The following PTCHD4 variants were observed in gnomAD, a reference collection of about 807,000 sequenced individuals.
The protein encoded by PTCHD4 is patched domain-containing protein 4.
Under a neutral mutation model 58.1 loss-of-function variants are expected in PTCHD4, and 33 were observed. That is an observed-to-expected ratio of 0.57 (90% CI 0.43 to 0.76). The LOEUF is 0.76. PTCHD4 is among the 30% of genes least tolerant of loss of function. The pLI, the probability that PTCHD4 is intolerant of heterozygous loss-of-function variation, is 0.00. For missense variants in PTCHD4, 1,058 were observed against 1,027.1 expected, an observed-to-expected ratio of 1.03 and a Z score of -0.41; for synonymous variants, 478 against 409.6, an observed-to-expected ratio of 1.17 and a Z score of -2.02.
intron 3 of PTCHD4, among the ~76,000 whole-genome samples, chr6:48,014,123 C>T (rs973723238): frequency 1.7e-4 from 26 of 152,180 alleles, no homozygotes; most frequent in African/African-American, 6.0e-4. Context: ...ATTTCTTACT[C>T]ATATTTTTCT....
At position 47,920,877 on chromosome 6, in the gene PTCHD4, A is replaced by G. The variant is rs139773580; in HGVS notation, c.899-40941T>C. The stretch of plus-strand genomic sequence containing the variant: ...AGATAAGGAAATTGGGGACCTATTG[A>G]GAACAGCTAAATAGATTCTGCCTAT... On this transcript the variant is annotated intron_variant, in intron 4 of 4. Coordinates refer to ENST00000339488, the MANE Select transcript of PTCHD4 (RefSeq NM_001384253.1). 2.3e-3 allele frequency among the ~76,000 whole-genome samples: 348 copies of G among 152,310 alleles called. 3 individuals are homozygous for G. Among genetic ancestry groups the G allele is most frequent in the Non-Finnish European group, 3.5e-3 (237 of 68,016 alleles).
At chr6:47,987,443 T>A (rs1171159409) in intron 4 of PTCHD4, among the ~76,000 whole-genome samples, 1 of 150,760 alleles carries the variant, frequency 6.6e-6, no homozygotes, top group Non-Finnish European at 1.5e-5. Context: ...CAAGACTAAG[T>A]ATCCAGCCAT....
intron 4 of PTCHD4, among the ~76,000 whole-genome samples, chr6:47,930,512 C>T (rs1162351927): frequency 6.6e-6 from 1 of 152,108 alleles, no homozygotes. Flanking sequence ...GGCACATATT[C>T]CCAGGGATCC....
In PTCHD4 at chr6:48,054,789, A is replaced by C. The variant is rs185455721; in HGVS notation, c.417+13441T>G. Reference sequence around the variant, plus strand: ...TGTATTTTATAGTTAAAGGCTGGAAATAATTTTTTTATAGAATTAGTGCAG... The same window carrying C: ...TGTATTTTATAGTTAAAGGCTGGAACTAATTTTTTTATAGAATTAGTGCAG... On this transcript the variant is annotated intron_variant, in intron 3 of 4. Coordinates refer to ENST00000339488, the MANE Select transcript of PTCHD4 (RefSeq NM_001384253.1). Among the ~76,000 whole-genome samples, 25 of 152,338 alleles carry C rather than the reference A, an allele frequency of 1.6e-4. 1 individual carries two copies. In the East Asian group the frequency reaches 4.4e-3, roughly 27 times the overall value.
chr6:47,909,464 C>T (rs537860404), intron 4 of PTCHD4, among the ~76,000 whole-genome samples: 3 of 152,074 alleles, frequency 2.0e-5, no homozygotes, highest in Non-Finnish European at 4.4e-5. Flanking sequence ...TGCTCAAAAC[C>T]TTATTAATAT....
Position 47,874,682 on chromosome 6 carries a change from G to A in PTCHD4, c.*3621C>T, listed in dbSNP as rs558671454. On this transcript the variant is annotated 3_prime_UTR_variant, in exon 5 of 5. Transcript: ENST00000339488. ...ATCATTATTCTTCTCACCTCACAAG[G>A]TAAAAACCTAAATTCTGTGGAAATA... is the stretch of plus-strand genomic sequence containing the variant. 6.6e-6 allele frequency among the ~76,000 whole-genome samples: 1 copy of A among 151,750 alleles called. No individual in the cohort carries two copies. The highest frequency in any genetic ancestry group is 2.0e-4 in the East Asian group (1 of 5,126).
At chr6:47,929,343 T>C (rs577775144) in intron 4 of PTCHD4, among the ~76,000 whole-genome samples, 1 of 152,326 alleles carries the variant, frequency 6.6e-6, no homozygotes, top group South Asian at 2.1e-4. Flanking sequence ...AAGAGCCTAC[T>C]TGCACCCAAG....
chr6:47,888,150 G>A (rs1306896704), intron 4 of PTCHD4, among the ~76,000 whole-genome samples: 4 of 152,234 alleles, frequency 2.6e-5, no homozygotes, highest in Non-Finnish European at 5.9e-5. Flanking sequence ...AAGGTGAGGA[G>A]ATCGAGACCA....
chr6:48,049,305 CAAGAAACCCTG>C (rs1764150577), intron 3 of PTCHD4, among the ~76,000 whole-genome samples: 1 of 142,206 alleles, frequency 7.0e-6, no homozygotes, highest in African/African-American at 2.6e-5. Context: ...GTGCCAAGGT[CAAGAAACCCTG>C]ACCTAGAGAA....
At chr6:48,038,686 A>G (rs574972030) in intron 3 of PTCHD4, among the ~76,000 whole-genome samples, 1 of 149,294 alleles carries the variant, frequency 6.7e-6, no homozygotes, top group Non-Finnish European at 1.5e-5. Context: ...AAAAAAGTGA[A>G]TTTCTAACCT....
At chr6:48,038,166 C>T (rs1301809826) in intron 3 of PTCHD4, among the ~76,000 whole-genome samples, 1 of 151,914 alleles carries the variant, frequency 6.6e-6, no homozygotes, top group Admixed American at 6.6e-5. Context: ...ATGATGAAAA[C>T]ATTGTCGAAT....
At chr6:47,926,144 A>G (rs1394457927) in intron 4 of PTCHD4, among the ~76,000 whole-genome samples, 1 of 152,218 alleles carries the variant, frequency 6.6e-6, no homozygotes, top group Non-Finnish European at 1.5e-5. Context: ...CAATCTTGAC[A>G]GGGCGTTGGA....
At chr6:48,083,836 A>T (rs1191203808) in intron 1 of PTCHD4, among the ~76,000 whole-genome samples, 2 of 152,204 alleles carry the variant, frequency 1.3e-5, no homozygotes, top group African/African-American at 4.8e-5. Context: ...TTAAAATCTG[A>T]ATGAATTTAG....
chr6:47,950,505 A>G (rs1766601726), intron 4 of PTCHD4, among the ~76,000 whole-genome samples: 1 of 152,196 alleles, frequency 6.6e-6, no homozygotes, highest in Non-Finnish European at 1.5e-5. Context: ...AAAGAATCCA[A>G]GGACTCTTAA....
intron 4 of PTCHD4, among the ~76,000 whole-genome samples, chr6:47,976,688 A>G (rs1767704643): frequency 6.6e-6 from 1 of 150,902 alleles, no homozygotes; most frequent in Admixed American, 6.6e-5. Flanking sequence ...ATAAATAAAT[A>G]AATAAATAAA....
intron 4 of PTCHD4, among the ~76,000 whole-genome samples, chr6:47,945,041 T>C (rs932222596): frequency 1.3e-5 from 2 of 151,946 alleles, no homozygotes; most frequent in African/African-American, 4.8e-5. Context: ...AAGTGCCAAA[T>C]CCAAAGGTGA....
chr6:47,954,726 A>T (rs1292796274), intron 4 of PTCHD4, among the ~76,000 whole-genome samples: 1 of 152,166 alleles, frequency 6.6e-6, no homozygotes. Context: ...TGTTTAAGGG[A>T]ATATTCCTCC....
At chr6:47,960,322 T>A (rs554479726) in intron 4 of PTCHD4, among the ~76,000 whole-genome samples, 1 of 152,134 alleles carries the variant, frequency 6.6e-6, no homozygotes, top group African/African-American at 2.4e-5. Flanking sequence ...ATGGGACAAA[T>A]ACAGGTAAAT....
intron 3 of PTCHD4, among the ~76,000 whole-genome samples, chr6:48,037,438 C>T (rs1368561887): frequency 6.6e-6 from 1 of 152,130 alleles, no homozygotes; most frequent in East Asian, 1.9e-4. Context: ...CATGCTTACA[C>T]CGAAGCAGTG....
Sources: allele counts gnomAD v4.1 joint callset (sites outside exome capture counted in the v4.1 genomes callset), GRCh38; gene constraint gnomAD v4.1.1; transcripts MANE v1.5; gene names NCBI Gene and HGNC (gene_info 2026-07-23, HGNC 2026-07-21).